ACOT7: variants seen among roughly 807,000 people sequenced by gnomAD.
ACOT7 encodes the protein cytosolic acyl coenzyme A thioester hydrolase.
ACOT7 carries 12 observed loss-of-function variants against 40.2 expected under a neutral mutation model. That is an observed-to-expected ratio of 0.30 (90% CI 0.19 to 0.48). ACOT7 has a LOEUF of 0.48. Among genes scored for constraint, ACOT7 ranks in the 20% least tolerant of loss-of-function variants. The pLI, the probability that ACOT7 is intolerant of heterozygous loss-of-function variation, is 0.99. For missense variants in ACOT7, 395 were observed against 530.8 expected, an observed-to-expected ratio of 0.74 and a Z score of 2.51; for synonymous variants, 228 against 219.5, an observed-to-expected ratio of 1.04 and a Z score of -0.34.
At chr1:6,367,449 C>T (rs889695179) in intron 1 of ACOT7, among the ~76,000 whole-genome samples, 4 of 152,172 alleles carry the variant, frequency 2.6e-5, no homozygotes, top group African/African-American at 9.7e-5. Flanking sequence ...CTGCCAAGGA[C>T]AAGCCTGGTG....
At chr1:6,264,746 G>A in intron 8 of ACOT7, 51 bp from the exon 9 acceptor site, 2 of 1,585,744 alleles carry the variant, frequency 1.3e-6, no homozygotes, top group African/African-American at 2.7e-5. Flanking sequence ...CAGAACCAGT[G>A]CCGTGGCCTT....
rs1008461395 is a variant in ACOT7, at chr1:6,330,658, G to A, written c.510+2819C>T. ...CTAATTACTGGGCAAGGAGAGGCGA[G>A]GCTAACAGGGGCCACGCTGAAAGCA... On this transcript the variant is annotated intron_variant, in intron 4 of 8. Coordinates refer to ENST00000361521, the MANE Select transcript of ACOT7 (RefSeq NM_007274.4). This position sits in a 1 kb window ranked among gnomAD's most constrained non-coding sequence, Gnocchi z 4.6. Among the ~76,000 whole-genome samples the A allele has an allele frequency of 6.6e-6, 1 of 152,138 alleles. No homozygotes were observed. The highest frequency in any genetic ancestry group is 6.5e-5 in the Admixed American group (1 of 15,280).
At chr1:6,331,230 C>T (rs1387883931) in intron 4 of ACOT7, among the ~76,000 whole-genome samples, 1 of 152,216 alleles carries the variant, frequency 6.6e-6, no homozygotes, top group Non-Finnish European at 1.5e-5. Context: ...AATGTATATC[C>T]ACCTGAAACC....
At chr1:6,284,091 AAG>A (rs1188623877) in intron 7 of ACOT7, among the ~76,000 whole-genome samples, 2 of 152,198 alleles carry the variant, frequency 1.3e-5, no homozygotes, top group African/African-American at 4.8e-5. Flanking sequence ...CCCAGTCACC[AAG>A]AGAGAGCCCA....
intron 1 of ACOT7, chr1:6,385,810 A>G: frequency 7.1e-7 from 1 of 1,415,522 alleles, no homozygotes; most frequent in Non-Finnish European, 9.2e-7. Context: ...TCCTCCTAGG[A>G]CCGCCCCTCC....
chr1:6,389,306 C>T (rs1322951372), intron 1 of ACOT7, among the ~76,000 whole-genome samples: 1 of 152,116 alleles, frequency 6.6e-6, no homozygotes, highest in Non-Finnish European at 1.5e-5. Flanking sequence ...AGATTTCACA[C>T]ATCTACCTAT....
At position 6,338,362 on chromosome 1, in the gene ACOT7, G is replaced by C. The variant is rs554427825; in HGVS notation, c.418+1071C>G. 6.6e-6 allele frequency among the ~76,000 whole-genome samples: 1 copy of C among 152,228 alleles called. No individual in the cohort carries two copies. The highest frequency in any genetic ancestry group is 2.1e-4 in the South Asian group (1 of 4,836). On this transcript the variant is annotated intron_variant, in intron 3 of 8. Transcript: ENST00000361521. This position sits in a 1 kb window ranked among gnomAD's most constrained non-coding sequence, Gnocchi z 4.4. ...AGCCCTGAGCCTCTCCCGAGTCGTG[G>C]GCGCTGCTCCTGTTGTGGGAGGTGC...
intron 5 of ACOT7, among the ~76,000 whole-genome samples, chr1:6,325,103 T>C (rs1640760923): frequency 6.6e-6 from 1 of 152,236 alleles, no homozygotes; most frequent in South Asian, 2.1e-4. Context: ...AATTTTATTT[T>C]TAAAAGATAT....
Position 6,356,977 on chromosome 1 carries a change from G to A in ACOT7, c.144-7111C>T, listed in dbSNP as rs1204691934. On this transcript the variant is annotated intron_variant, in intron 1 of 8. Coordinates refer to ENST00000361521, the MANE Select transcript of ACOT7 (RefSeq NM_007274.4). Reference sequence around the variant, plus strand: ...TTTGTGGCTGGACGCAGTGGCTCACGCCTGTAATCCCAGCACTTTAGGAGC... The same window carrying A: ...TTTGTGGCTGGACGCAGTGGCTCACACCTGTAATCCCAGCACTTTAGGAGC... Among the ~76,000 whole-genome samples the A allele has an allele frequency of 4.6e-5, 7 of 150,564 alleles. No homozygotes were observed. In the South Asian group the frequency reaches 8.4e-4, roughly 18 times the overall value.
chr1:6,375,892 T>C (rs1017879306), intron 1 of ACOT7, among the ~76,000 whole-genome samples: 15 of 150,602 alleles, frequency 1.0e-4, no homozygotes, highest in African/African-American at 3.7e-4. Flanking sequence ...GAGCCGAGAT[T>C]GTGCCACTGC....
chr1:6,354,918 C>T (rs1047176839), intron 1 of ACOT7, among the ~76,000 whole-genome samples: 6 of 151,744 alleles, frequency 4.0e-5, no homozygotes, highest in Non-Finnish European at 5.9e-5. Flanking sequence ...TAACTGGCCC[C>T]GACTGCACAG....
rs60772726 is a variant in ACOT7 at position 6,349,602 on chromosome 1, A to C, written c.261+147T>G. Reference sequence around the variant, plus strand: ...CATAGCTCTGAGGGTCCGGTGCAGAAATACTTGGGCCACTTCTCCCACAGT... The same window carrying C: ...CATAGCTCTGAGGGTCCGGTGCAGACATACTTGGGCCACTTCTCCCACAGT... On this transcript the variant is annotated intron_variant, in intron 2 of 8. Transcript: ENST00000361521. 4.5e-5 allele frequency: 36 copies of C among 802,282 alleles called. No individual in the cohort carries two copies. The African/African-American group carries it at 5.1e-4, about 11-fold the overall frequency. The allele number at this position is 802,282 out of a possible 1,614,324, so 49.7% of individuals were successfully genotyped here.
intron 1 of ACOT7, chr1:6,385,698 T>G (rs1314770668): frequency 2.5e-6 from 4 of 1,599,106 alleles, no homozygotes; most frequent in Admixed American, 3.4e-5. Flanking sequence ...GTTTACCCAG[T>G]GACAAGTATG....
Position 6,333,469 on chromosome 1 carries a change from C to T in ACOT7, c.510+8G>A, listed in dbSNP as rs202109935. ...GCCCCCAAGAGAGAAGTAGAAAGGG[C>T]ACCTTACCACAACAGGAGGCACCTC... On this transcript the variant is annotated splice_region_variant and intron_variant, in intron 4 of 8. Transcript: ENST00000361521. 531 of 1,614,118 alleles carry T rather than the reference C, an allele frequency of 3.3e-4. No individual in the cohort carries two copies. Among genetic ancestry groups the T allele is most frequent in the Non-Finnish European group, 4.2e-4 (492 of 1,179,926 alleles).
At chr1:6,270,386 G>A (rs1018455441) in intron 8 of ACOT7, among the ~76,000 whole-genome samples, 1 of 152,246 alleles carries the variant, frequency 6.6e-6, no homozygotes, top group East Asian at 1.9e-4. Context: ...GGTGGGGGAA[G>A]GACTGGAGCC....
intron 1 of ACOT7, among the ~76,000 whole-genome samples, chr1:6,377,943 G>A (rs905556491): frequency 2.6e-5 from 4 of 152,056 alleles, no homozygotes; most frequent in Admixed American, 6.6e-5. Context: ...GGTGGCAGGC[G>A]CCTGTAGTCC....
chr1:6,305,233 C>T (rs1201961393), intron 6 of ACOT7, among the ~76,000 whole-genome samples: 3 of 148,818 alleles, frequency 2.0e-5, no homozygotes, highest in East Asian at 2.0e-4. Context: ...GACGGGGCGG[C>T]GGGCCGGGCG....
At position 6,380,566 on chromosome 1, in the gene ACOT7, G is replaced by A. The variant is rs1328390179; in HGVS notation, c.143+12691C>T. On this transcript the variant is annotated intron_variant, in intron 1 of 8. Transcript: ENST00000361521. ...ATCACGCCACTGCACTCCAGCCTGG[G>A]CAACAGAGCAAGACCGTCTCAAAAA... Among the ~76,000 whole-genome samples the A allele has an allele frequency of 2.7e-5, 4 of 146,366 alleles. 2 individuals carry two copies. Among genetic ancestry groups the A allele is most frequent in the Admixed American group, 1.4e-4 (2 of 14,660 alleles).
intron 6 of ACOT7, among the ~76,000 whole-genome samples, chr1:6,298,797 G>C (rs1639883834): frequency 1.3e-5 from 2 of 152,236 alleles, no homozygotes; most frequent in South Asian, 4.1e-4. Flanking sequence ...AGCCCTCACA[G>C]GGTAGAGGAC....
Sources: allele counts gnomAD v4.1 joint callset (sites outside exome capture counted in the v4.1 genomes callset), GRCh38; gene constraint gnomAD v4.1.1; non-coding constraint Gnocchi (gnomAD v3.1); transcripts MANE v1.5; gene names NCBI Gene and HGNC (gene_info 2026-07-23, HGNC 2026-07-21).